MBLAC2: variants seen among roughly 807,000 people sequenced by gnomAD.
The protein encoded by MBLAC2 is acyl-coenzyme A thioesterase MBLAC2.
Under a neutral mutation model 23.3 loss-of-function variants are expected in MBLAC2, and 24 were observed. The ratio of observed to expected loss-of-function variants is 1.03; its 90% CI spans 0.75 to 1.45. MBLAC2 has a LOEUF of 1.45. Among genes scored for constraint, MBLAC2 ranks in the 40% most tolerant of loss-of-function variants. MBLAC2 has a pLI of 0.00. For synonymous variants in MBLAC2, 162 were observed against 150.9 expected (o/e 1.07, Z -0.54); for missense variants, 358 against 370.0 (o/e 0.97, Z 0.27).
At chr5:90,464,834 C>T (rs1355556090) in intron 1 of MBLAC2, among the ~76,000 whole-genome samples, 1 of 152,168 alleles carries the variant, frequency 6.6e-6, no homozygotes, top group Non-Finnish European at 1.5e-5. Context: ...ATCCAATTCT[C>T]ATTCATGATA....
Position 90,460,412 on chromosome 5 carries a change from T to C in MBLAC2, c.*755A>G, listed in dbSNP as rs1750346932. 6.6e-6 allele frequency: 1 copy of C among 152,584 alleles called. No individual in the cohort carries two copies. Among genetic ancestry groups the C allele is most frequent in the Admixed American group, 6.5e-5 (1 of 15,280 alleles). The allele number at this position is 152,584 out of a possible 1,614,324, so 9.5% of individuals were successfully genotyped here. ...ATATTTTCAAATTTGCCTGACAGTG[T>C]CCTTTTAAGAAATCTGACAATTTGT... On this transcript the variant is annotated 3_prime_UTR_variant, in exon 2 of 2. Coordinates refer to ENST00000316610, the MANE Select transcript of MBLAC2 (RefSeq NM_203406.2).
rs746535063 is a variant in MBLAC2 at position 90,461,306 on chromosome 5, G to C, written c.701C>G (p.Thr234Ser). 1.9e-5 allele frequency: 31 copies of C among 1,614,012 alleles called. No homozygotes were observed. The highest frequency in any genetic ancestry group is 2.5e-5 in the Non-Finnish European group (30 of 1,180,022). ...VEKVLPGHFNTFGAERLFRLA... is the reference protein window; with the variant it reads ...VEKVLPGHFNSFGAERLFRLA... ...TCGAAAAAGCCTTTCAGCACCAAAG[G>C]TATTGAAGTGCCCAGGAAGCACCTT... The change falls in exon 2 of 2, where the codon ACC becomes AGC. Residue 234 changes from threonine to serine, a missense_variant. Thr to Ser is a moderately conservative substitution (Grantham distance 58, BLOSUM62 1). Coordinates refer to ENST00000316610, the MANE Select transcript of MBLAC2 (RefSeq NM_203406.2).
At chr5:90,469,536 T>C (rs1448720132) in intron 1 of MBLAC2, among the ~76,000 whole-genome samples, 1 of 152,198 alleles carries the variant, frequency 6.6e-6, no homozygotes, top group African/African-American at 2.4e-5. Context: ...CTTGGATATC[T>C]TGAATGCAAT....
chr5:90,462,982 A>C (rs181990504), intron 1 of MBLAC2, among the ~76,000 whole-genome samples: 222 of 152,378 alleles, frequency 1.5e-3, no homozygotes, highest in African/African-American at 5.0e-3. Flanking sequence ...AGCAAGAATC[A>C]ATAAATGTAA....
intron 1 of MBLAC2, among the ~76,000 whole-genome samples, chr5:90,470,754 GCGCACACACACACA>G (rs1750532078): frequency 8.9e-6 from 1 of 112,456 alleles, no homozygotes; most frequent in African/African-American, 3.1e-5. Context: ...ACTAGCGCGC[GCGCACACACACACA>G]CACACACACA....
At chr5:90,465,397 A>G (rs1408927269) in intron 1 of MBLAC2, among the ~76,000 whole-genome samples, 1 of 152,210 alleles carries the variant, frequency 6.6e-6, no homozygotes, top group East Asian at 1.9e-4. Flanking sequence ...GACTGTCTCA[A>G]TATCACTAAG....
At chr5:90,461,753 G>C (rs1351881450) in intron 1 of MBLAC2, among the ~76,000 whole-genome samples, 1 of 152,178 alleles carries the variant, frequency 6.6e-6, no homozygotes, top group African/African-American at 2.4e-5. Flanking sequence ...GTTTGCCAAA[G>C]CAAGTAATGT....
At chr5:90,464,910 A>G (rs1003710652) in intron 1 of MBLAC2, among the ~76,000 whole-genome samples, 1 of 152,190 alleles carries the variant, frequency 6.6e-6, no homozygotes, top group Non-Finnish European at 1.5e-5. Context: ...ACTTATGAAC[A>G]TCTATAGGTA....
intron 1 of MBLAC2, among the ~76,000 whole-genome samples, chr5:90,471,026 C>A (rs1750539625): frequency 6.6e-6 from 1 of 152,158 alleles, no homozygotes; most frequent in Non-Finnish European, 1.5e-5. Context: ...TTTTTTAAGG[C>A]TTCAGCGGTG....
Position 90,474,051 on chromosome 5 carries a change from G to A in MBLAC2, c.242C>T (p.Ala81Val), listed in dbSNP as rs760168244. 129 of 1,586,262 alleles carry A rather than the reference G, an allele frequency of 8.1e-5. No homozygotes were observed. The highest frequency in any genetic ancestry group is 1.1e-4 in the Non-Finnish European group (124 of 1,167,394). ...GGAGTGGTCGAAGTGCACGTGGGTG[G>A]CCACGGCAAGCAGTGGCCGGCGCGC... ...DAARRPLLAV[A>V]THVHFDHSGG... Residue 81 changes from alanine (A) to valine (V), a missense_variant, in exon 1 of 2, where the codon GCC becomes GTC. By Grantham distance (64) the Ala-to-Val change is moderately conservative. Transcript: ENST00000316610.
At chr5:90,464,879 G>A (rs182803902) in intron 1 of MBLAC2, among the ~76,000 whole-genome samples, 29 of 152,236 alleles carry the variant, frequency 1.9e-4, no homozygotes, top group African/African-American at 7.0e-4. Context: ...GTTGGGGAAG[G>A]TCCTGAACTT....
rs960374374 is a variant in MBLAC2 at position 90,458,943 on chromosome 5, T to G, written c.*2224A>C. 3 of 152,606 alleles carry G rather than the reference T, an allele frequency of 2.0e-5. No individual in the cohort carries two copies. The highest frequency in any genetic ancestry group is 7.2e-5 in the African/African-American group (3 of 41,448). The allele number at this position is 152,606 out of a possible 1,614,324, so 9.5% of individuals were successfully genotyped here. A position where few individuals can be genotyped will look rare whatever the true frequency, so the allele number is the denominator to read the frequency against. On this transcript the variant is annotated 3_prime_UTR_variant, in exon 2 of 2. Coordinates refer to ENST00000316610, the MANE Select transcript of MBLAC2 (RefSeq NM_203406.2). ...ATTGGGAAATTAAAAAATAATAATG[T>G]GTTTTGAAAAATTGCACTTTTTATA...
chr5:90,472,071 G>GT (rs1316545988), intron 1 of MBLAC2: 10 of 152,134 alleles, frequency 6.6e-5, no homozygotes, highest in African/African-American at 2.4e-4. Context: ...CCGAGATGGG[G>GT]TATGTGACCT....
intron 1 of MBLAC2, among the ~76,000 whole-genome samples, chr5:90,467,808 G>A (rs1450893243): frequency 6.6e-6 from 1 of 151,784 alleles, no homozygotes; most frequent in African/African-American, 2.4e-5. Context: ...GTACTGTGAG[G>A]TTTATGCTTT....
chr5:90,466,425 G>C (rs78765280), intron 1 of MBLAC2, among the ~76,000 whole-genome samples: 1,759 of 152,154 alleles, frequency 0.012, 22 homozygotes, highest in African/African-American at 0.033. Flanking sequence ...AAAAATTAGG[G>C]GAACATTTTT....
At chr5:90,466,125 A>G (rs1203227084) in intron 1 of MBLAC2, among the ~76,000 whole-genome samples, 1 of 152,224 alleles carries the variant, frequency 6.6e-6, no homozygotes, top group East Asian at 1.9e-4. Flanking sequence ...TCAAGTGTAC[A>G]ATAAAGCTAC....
At chr5:90,462,323 T>C (rs777825792) in intron 1 of MBLAC2, among the ~76,000 whole-genome samples, 2 of 152,154 alleles carry the variant, frequency 1.3e-5, no homozygotes, top group Non-Finnish European at 2.9e-5. Context: ...AAGTAAATCA[T>C]GGTAAATTAA....
chr5:90,469,843 T>C (rs982975058), intron 1 of MBLAC2, among the ~76,000 whole-genome samples: 1 of 152,062 alleles, frequency 6.6e-6, no homozygotes, highest in Non-Finnish European at 1.5e-5. Context: ...AAACTGAAAA[T>C]AGAACTACCA....
chr5:90,470,753 C>CGG (rs1750531480), intron 1 of MBLAC2, among the ~76,000 whole-genome samples: 1 of 98,456 alleles, frequency 1.0e-5, no homozygotes, highest in African/African-American at 4.0e-5. Flanking sequence ...AACTAGCGCG[C>CGG]GCGCACACAC....
Sources: gnomAD v4.1 joint callset for allele counts (sites outside exome capture counted in the v4.1 genomes callset) on GRCh38, gnomAD v4.1.1 for gene constraint, MANE v1.5 for transcripts, NCBI Gene and HGNC (gene_info 2026-07-23, HGNC 2026-07-21) for gene names.